The following COL19A1 variants were observed in gnomAD, a reference collection of about 807,000 sequenced individuals.
COL19A1 encodes collagen alpha-1(XIX) chain.
Under a neutral mutation model 190.2 loss-of-function variants are expected in COL19A1, and 159 were observed. The ratio of observed to expected loss-of-function variants is 0.84; its 90% CI spans 0.73 to 0.95. The LOEUF (loss-of-function observed/expected upper bound fraction) is 0.95. Among genes scored for constraint, COL19A1 ranks in the 40% least tolerant of loss-of-function variants. The probability of loss-of-function intolerance (pLI) is 0.00; values close to 1 mark genes in which losing one functional copy is unlikely to be tolerated. For missense variants in COL19A1, 1,418 were observed against 1,431.9 expected (o/e 0.99, Z 0.16); for synonymous variants, 509 against 458.9 (o/e 1.11, Z -1.39).
intron 11 of COL19A1, among the ~76,000 whole-genome samples, chr6:70,018,519 A>C (rs1048961012): frequency 2.6e-5 from 4 of 152,128 alleles, no homozygotes; most frequent in African/African-American, 9.7e-5. Context: ...AGTGGTGGTA[A>C]CAAAACACTT....
At chr6:70,097,697 T>C in intron 15 of COL19A1, among the ~76,000 whole-genome samples, 1 of 152,152 alleles carries the variant, frequency 6.6e-6, no homozygotes, top group Non-Finnish European at 1.5e-5. Flanking sequence ...ATTGAGCACT[T>C]TCAGGTTTCC....
chr6:70,140,315 A>T (rs1786163945), intron 19 of COL19A1, among the ~76,000 whole-genome samples: 2 of 152,028 alleles, frequency 1.3e-5, no homozygotes, highest in South Asian at 4.2e-4. Context: ...GTGCTATGTA[A>T]ATAGTTGTTA....
chr6:70,156,823 C>A, intron 34 of COL19A1, 100 bp downstream of exon 34: 3 of 774,686 alleles, frequency 3.9e-6, no homozygotes, highest in Admixed American at 2.9e-5. Context: ...AGATCTGATG[C>A]TATAACCAAT....
In COL19A1 at chr6:70,184,571, A is replaced by T. The variant is rs1222288636; in HGVS notation, c.2776-132A>T. The stretch of plus-strand genomic sequence containing the variant: ...GTCAGATTCTATTTATTTGTTTTCC[A>T]TTTTACCACCTTTCTTTACCAAGCT... On this transcript the variant is annotated intron_variant, in intron 44 of 50. Transcript: ENST00000620364. The T allele has an allele frequency of 1.5e-5, 11 of 725,518 alleles. No individual in the cohort carries two copies. In the South Asian group the frequency reaches 2.0e-4, roughly 13 times the overall value. The allele number at this position is 725,518 out of a possible 1,614,324, so 44.9% of individuals were successfully genotyped here.
At chr6:70,145,124 A>T in intron 25 of COL19A1, 117 bp downstream of exon 25, 1 of 762,578 alleles carries the variant, frequency 1.3e-6, no homozygotes, top group Admixed American at 2.6e-5. Flanking sequence ...AAAAAGGAAA[A>T]AAGAACTTAA....
chr6:70,031,733 A>G (rs971232092), intron 12 of COL19A1, among the ~76,000 whole-genome samples: 5 of 152,092 alleles, frequency 3.3e-5, no homozygotes, highest in South Asian at 2.1e-4. Flanking sequence ...ATGATTCCAT[A>G]TCTTTGCTAG....
At chr6:70,047,270 C>T (rs1194500616) in intron 14 of COL19A1, among the ~76,000 whole-genome samples, 1 of 152,090 alleles carries the variant, frequency 6.6e-6, no homozygotes, top group Non-Finnish European at 1.5e-5. Flanking sequence ...CAGTGAGTTA[C>T]TGATAAACTT....
chr6:70,061,401 G>A (rs1339972378), intron 14 of COL19A1, among the ~76,000 whole-genome samples: 4 of 151,524 alleles, frequency 2.6e-5, no homozygotes, highest in East Asian at 1.9e-4. Context: ...CCCATAGCTG[G>A]GTCCTAGACT....
Position 70,051,261 on chromosome 6 carries a change from G to A in COL19A1, c.1170+15322G>A, listed in dbSNP as rs185223850. ...CAGACACATGCCCAATATAGAGAAA[G>A]GATTAGACTTACCAGTGTCAAGAAC... On this transcript the variant is annotated intron_variant, in intron 14 of 50. Coordinates refer to ENST00000620364, the MANE Select transcript of COL19A1 (RefSeq NM_001858.6). Among the ~76,000 whole-genome samples, 3 of 152,176 alleles carry A rather than the reference G, an allele frequency of 2.0e-5. No individual in the cohort carries two copies. In the East Asian group the frequency reaches 5.8e-4, roughly 29 times the overall value.
At position 70,142,189 on chromosome 6, in the gene COL19A1, G is replaced by A. The variant is rs970428568; in HGVS notation, c.1572+113G>A. 1.8e-5 allele frequency: 16 copies of A among 908,174 alleles called. No homozygotes were observed. The African/African-American group carries it at 2.5e-4, about 14-fold the overall frequency. The allele number at this position is 908,174 out of a possible 1,614,324, so 56.3% of individuals were successfully genotyped here. ...CATTTTCTTCACAAATGCTCTCCAA[G>A]ACTTTATCCTGTTTCCATGGTGATT... On this transcript the variant is annotated intron_variant, in intron 22 of 50. Transcript: ENST00000620364.
chr6:70,097,447 A>G (rs1783346799), intron 15 of COL19A1, among the ~76,000 whole-genome samples: 1 of 151,680 alleles, frequency 6.6e-6, no homozygotes, highest in Non-Finnish European at 1.5e-5. Context: ...TCATCCATTC[A>G]TGGACATTTG....
intron 14 of COL19A1, among the ~76,000 whole-genome samples, chr6:70,055,203 G>T (rs1322612476): frequency 6.6e-6 from 1 of 152,092 alleles, no homozygotes; most frequent in South Asian, 2.1e-4. Context: ...ATTGGAAGTG[G>T]TCAAAAAGTT....
At chr6:70,093,519 T>A (rs1419799513) in intron 15 of COL19A1, among the ~76,000 whole-genome samples, 3 of 151,760 alleles carry the variant, frequency 2.0e-5, no homozygotes, top group African/African-American at 7.3e-5. Flanking sequence ...TGGGTTGGCC[T>A]CAGAATCAGG....
chr6:69,978,242 T>C (rs1365378672), intron 11 of COL19A1, among the ~76,000 whole-genome samples: 1 of 152,034 alleles, frequency 6.6e-6, no homozygotes, highest in Middle Eastern at 3.2e-3. Context: ...TAGATACATA[T>C]ACATACATAT....
chr6:70,066,381 T>C (rs147393302), intron 14 of COL19A1, among the ~76,000 whole-genome samples: 91 of 151,478 alleles, frequency 6.0e-4, no homozygotes, highest in African/African-American at 1.7e-3. Context: ...TTCTCACTCA[T>C]AGGTGGGAAT....
At chr6:70,065,964 G>T (rs570475641) in intron 14 of COL19A1, among the ~76,000 whole-genome samples, 2 of 152,066 alleles carry the variant, frequency 1.3e-5, no homozygotes, top group Admixed American at 1.3e-4. Flanking sequence ...TGCTGGAGAG[G>T]ATGTGGAGAA....
Position 70,035,965 on chromosome 6 carries a change from A to G in COL19A1, c.1170+26A>G. On this transcript the variant is annotated intron_variant, in intron 14 of 50. Coordinates refer to ENST00000620364, the MANE Select transcript of COL19A1 (RefSeq NM_001858.6). ...GTAAGTATTCTTGAAATCAAAATTC[A>G]AAATTGAAATCCATTATTCTGTTTA... 1.9e-6 allele frequency: 3 copies of G among 1,607,622 alleles called. 1 individual carries two copies. The highest frequency in any genetic ancestry group is 2.6e-6 in the Non-Finnish European group (3 of 1,174,266).
chr6:70,005,624 C>T (rs1358772290), intron 11 of COL19A1, among the ~76,000 whole-genome samples: 4 of 152,126 alleles, frequency 2.6e-5, no homozygotes, highest in Non-Finnish European at 5.9e-5. Flanking sequence ...ATAGGAGGGT[C>T]TCACCCAGTT....
chr6:69,916,129 G>A (rs932735881), intron 4 of COL19A1, among the ~76,000 whole-genome samples: 1 of 151,876 alleles, frequency 6.6e-6, no homozygotes, highest in African/African-American at 2.4e-5. Flanking sequence ...GTAGAGATGG[G>A]GTTTCACCGT....
Sources: gnomAD v4.1 joint callset for allele counts (sites outside exome capture counted in the v4.1 genomes callset) on GRCh38, gnomAD v4.1.1 for gene constraint, MANE v1.5 for transcripts, NCBI Gene and HGNC (gene_info 2026-07-23, HGNC 2026-07-21) for gene names.